The following METTL25 variants were observed in gnomAD, a reference collection of about 807,000 sequenced individuals.
METTL25 encodes the protein methyltransferase like 25.
Under a neutral mutation model 71.6 loss-of-function variants are expected in METTL25, and 64 were observed. The observed-to-expected ratio is 0.89, with a 90% CI of 0.73 to 1.10. METTL25 has a LOEUF of 1.10. Among genes scored for constraint, METTL25 ranks in the 50% least tolerant of loss-of-function variants. The probability of loss-of-function intolerance (pLI) is 0.00; values close to 1 mark genes in which losing one functional copy is unlikely to be tolerated. For synonymous variants in METTL25, 287 were observed against 250.3 expected (o/e 1.15, Z -1.38); for missense variants, 807 against 707.0 (o/e 1.14, Z -1.60).
At chr12:82,391,540 ATGTG>A (rs59778065) in intron 3 of METTL25, among the ~76,000 whole-genome samples, 4 of 150,652 alleles carry the variant, frequency 2.7e-5, no homozygotes, top group Non-Finnish European at 4.4e-5. Context: ...TTGTTAGTAT[ATGTG>A]TGTGTGTGTG....
At chr12:82,398,768 T>C in intron 3 of METTL25, 27 bp from the exon 4 acceptor site, 1 of 1,402,386 alleles carries the variant, frequency 7.1e-7, no homozygotes, top group Non-Finnish European at 9.3e-7. Context: ...TAAAATTCTT[T>C]AATTTATTCT....
intron 1 of METTL25, among the ~76,000 whole-genome samples, chr12:82,379,204 G>T (rs575185770): frequency 3.3e-5 from 5 of 152,192 alleles, no homozygotes; most frequent in Non-Finnish European, 5.9e-5. Context: ...CTGTGGGGCA[G>T]TGGAGCCTAC....
chr12:82,467,320 A>G (rs1384692478), intron 9 of METTL25, among the ~76,000 whole-genome samples: 4 of 152,128 alleles, frequency 2.6e-5, no homozygotes, highest in South Asian at 4.2e-4. Flanking sequence ...GTTTTCTGCA[A>G]TGATAAAGTT....
intron 5 of METTL25, among the ~76,000 whole-genome samples, chr12:82,422,422 A>G (rs1460124690): frequency 1.3e-5 from 2 of 152,272 alleles, no homozygotes. Flanking sequence ...ATGTATGACA[A>G]ACCCACAGCC....
chr12:82,385,712 ATAAACT>A (rs1235118187), intron 1 of METTL25, among the ~76,000 whole-genome samples: 1 of 152,170 alleles, frequency 6.6e-6, no homozygotes, highest in Non-Finnish European at 1.5e-5. Flanking sequence ...TGCTGCAGTA[ATAAACT>A]TAAAACTCAC....
intron 9 of METTL25, among the ~76,000 whole-genome samples, chr12:82,472,397 G>A (rs1179600164): frequency 6.6e-6 from 1 of 152,158 alleles, no homozygotes; most frequent in African/African-American, 2.4e-5. Context: ...AGGAGATCGA[G>A]CCCATCCTGG....
intron 9 of METTL25, among the ~76,000 whole-genome samples, chr12:82,475,232 C>T (rs535611761): frequency 1.2e-4 from 18 of 152,272 alleles, no homozygotes; most frequent in East Asian, 3.9e-4. Context: ...ATTCAACACA[C>T]GCAATTTTGT....
At chr12:82,403,367 C>G (rs13377892) in intron 5 of METTL25, among the ~76,000 whole-genome samples, 1 of 152,032 alleles carries the variant, frequency 6.6e-6, no homozygotes, top group Non-Finnish European at 1.5e-5. Context: ...AGTGCTGAAG[C>G]CTTTGCAAAT....
At chr12:82,408,453 T>C (rs1015001361) in intron 5 of METTL25, among the ~76,000 whole-genome samples, 5 of 151,988 alleles carry the variant, frequency 3.3e-5, no homozygotes, top group Non-Finnish European at 1.5e-5. Context: ...AACTGGGTCA[T>C]AAATAGGGAA....
chr12:82,421,387 G>C (rs1366043514), intron 5 of METTL25, among the ~76,000 whole-genome samples: 1 of 152,120 alleles, frequency 6.6e-6, no homozygotes, highest in Admixed American at 6.6e-5. Flanking sequence ...GATGTCTCCA[G>C]AATTTTTTGA....
chr12:82,474,083 C>CTCCTA (rs1892736004), intron 9 of METTL25, among the ~76,000 whole-genome samples: 2 of 152,158 alleles, frequency 1.3e-5, no homozygotes, highest in African/African-American at 4.8e-5. Context: ...TGGGACAATG[C>CTCCTA]AGCTGTGAGG....
chr12:82,435,533 C>G (rs1889853016), intron 7 of METTL25, among the ~76,000 whole-genome samples: 1 of 151,220 alleles, frequency 6.6e-6, no homozygotes, highest in Non-Finnish European at 1.5e-5. Context: ...AGCGTTAGAG[C>G]ATATCATTTG....
intron 5 of METTL25, among the ~76,000 whole-genome samples, chr12:82,420,561 A>G (rs1372131637): frequency 2.6e-5 from 4 of 152,126 alleles, no homozygotes; most frequent in African/African-American, 7.2e-5. Flanking sequence ...GGAAAAATAC[A>G]TATCAGGTGT....
At chr12:82,395,397 C>T (rs1268739604) in intron 3 of METTL25, among the ~76,000 whole-genome samples, 2 of 152,018 alleles carry the variant, frequency 1.3e-5, no homozygotes, top group African/African-American at 4.8e-5. Flanking sequence ...AGGGAGATCA[C>T]TGAGAAAGCC....
chr12:82,391,957 T>A (rs1271212075), intron 3 of METTL25, among the ~76,000 whole-genome samples: 1 of 151,764 alleles, frequency 6.6e-6, no homozygotes, highest in African/African-American at 2.4e-5. Context: ...CATTATAGTT[T>A]TTATTTGCAT....
At chr12:82,381,857 C>T (rs1884471672) in intron 1 of METTL25, among the ~76,000 whole-genome samples, 1 of 152,174 alleles carries the variant, frequency 6.6e-6, no homozygotes, top group Non-Finnish European at 1.5e-5. Context: ...CATTGTCTAT[C>T]AGAGTTTTAT....
At chr12:82,438,602 C>T (rs1234276646) in intron 7 of METTL25, 116 bp from the exon 8 acceptor site, 1 of 484,624 alleles carries the variant, frequency 2.1e-6, no homozygotes, top group African/African-American at 2.0e-5. Context: ...TTAAGTCATC[C>T]TCTGTGTTTA....
chr12:82,446,534 A>C (rs1890753576), intron 8 of METTL25, among the ~76,000 whole-genome samples: 1 of 152,130 alleles, frequency 6.6e-6, no homozygotes, highest in African/African-American at 2.4e-5. Context: ...AACTGTACAA[A>C]TACATGGAAA....
chr12:82,446,892 C>G (rs1890791721), intron 8 of METTL25, among the ~76,000 whole-genome samples: 1 of 152,158 alleles, frequency 6.6e-6, no homozygotes. Flanking sequence ...GCTGGGATTA[C>G]AGGCATGTGC....
Sources: allele counts gnomAD v4.1 joint callset (sites outside exome capture counted in the v4.1 genomes callset), GRCh38; gene constraint gnomAD v4.1.1; transcripts MANE v1.5; gene names NCBI Gene and HGNC (gene_info 2026-07-23, HGNC 2026-07-21).